Variants in KANK4 observed in about 807,000 individuals in gnomAD.
KANK4 encodes KN motif and ankyrin repeat domain-containing protein 4.
A neutral mutation model predicts 80.8 loss-of-function variants in KANK4; 50 were observed. The ratio of observed to expected loss-of-function variants is 0.62; its 90% CI spans 0.49 to 0.78. The LOEUF (loss-of-function observed/expected upper bound fraction) is 0.78, where lower values mean the gene tolerates loss of function less well. Ranked by LOEUF, KANK4 falls within the 30% of genes least tolerant of loss-of-function variation. The probability of loss-of-function intolerance (pLI) is 0.00; values close to 1 mark genes in which losing one functional copy is unlikely to be tolerated. For missense variants in KANK4, 1,196 were observed against 1,240.1 expected, an observed-to-expected ratio of 0.96 and a Z score of 0.53; for synonymous variants, 465 against 506.9, an observed-to-expected ratio of 0.92 and a Z score of 1.11.
In KANK4 at chr1:62,274,650, A is replaced by G. The variant is rs1672263451; in HGVS notation, c.454T>C (p.Phe152Leu). 6.2e-7 allele frequency: 1 copy of G among 1,614,012 alleles called. No homozygotes were observed. Among genetic ancestry groups the G allele is most frequent in the Admixed American group, 1.7e-5 (1 of 60,008 alleles). Residue 152 changes from phenylalanine to leucine, a missense_variant, in exon 3 of 10, where the codon TTT (phenylalanine) becomes CTT (leucine). Around this residue, in one of 3 missense-constraint regions of KANK4, gnomAD observed 1,154 missense variants for 1,179.6 expected, o/e 0.98. Transcript: ENST00000371153. ...AAEPEDAELT[F>L]GSGRPQLLRA... ...AAGAGCTGGGGCCGTCCACTCCCAA[A>G]AGTGAGCTCGGCATCCTCTGGCTCA...
At chr1:62,307,021 C>A (rs908805091) in intron 1 of KANK4, among the ~76,000 whole-genome samples, 1 of 152,048 alleles carries the variant, frequency 6.6e-6, no homozygotes, top group Middle Eastern at 3.2e-3. Flanking sequence ...TGGTGTCATC[C>A]CCAGTAAAGA....
At chr1:62,268,221 G>T in intron 5 of KANK4, 66 bp downstream of exon 5, 1 of 1,228,008 alleles carries the variant, frequency 8.1e-7, no homozygotes, top group South Asian at 1.2e-5. Flanking sequence ...TCGCATGAAC[G>T]GGTAGATATA....
chr1:62,258,077 C>T (rs536517224), intron 7 of KANK4, among the ~76,000 whole-genome samples: 36 of 152,322 alleles, frequency 2.4e-4, no homozygotes, highest in Admixed American at 1.7e-3. Flanking sequence ...GATTAAGAGA[C>T]TGATCGATCT....
chr1:62,271,786 T>C lies in KANK4; in HGVS notation c.1901-197A>G. The stretch of plus-strand genomic sequence containing the variant: ...GCTTTCTGCTCAATGTTGGGAGAAC[T>C]GTCTCTGTTAACAATGCCCCTCTAA... On this transcript the variant is annotated intron_variant, in intron 3 of 9. Coordinates refer to ENST00000371153, the MANE Select transcript of KANK4 (RefSeq NM_181712.5). 3 of 531,140 alleles carry C rather than the reference T, an allele frequency of 5.6e-6. No homozygotes were observed. The East Asian group carries it at 9.8e-5, about 17-fold the overall frequency. 32.9% of individuals were successfully genotyped at this position (531,140 alleles called of 1,614,324 possible). A position where few individuals can be genotyped will look rare whatever the true frequency, so the allele number is the denominator to read the frequency against.
chr1:62,277,088 G>C (rs1191532117), intron 2 of KANK4, among the ~76,000 whole-genome samples: 1 of 152,202 alleles, frequency 6.6e-6, no homozygotes, highest in Non-Finnish European at 1.5e-5. Flanking sequence ...ACACCAAGAT[G>C]AATCAGGTTC....
At chr1:62,250,838 G>A (rs1050643944) in intron 8 of KANK4, among the ~76,000 whole-genome samples, 3 of 152,184 alleles carry the variant, frequency 2.0e-5, no homozygotes, top group African/African-American at 7.2e-5. Context: ...ATAAACATCG[G>A]CTTCTGGCCG....
intron 1 of KANK4, among the ~76,000 whole-genome samples, chr1:62,296,739 C>T (rs1368221742): frequency 6.6e-6 from 1 of 151,844 alleles, no homozygotes; most frequent in Admixed American, 6.6e-5. Flanking sequence ...AGTGTTTTGG[C>T]ATGTTGTCCA....
intron 3 of KANK4, 31 bp downstream of exon 3, chr1:62,273,173 T>C (rs149393419): frequency 2.4e-4 from 336 of 1,403,084 alleles, no homozygotes; most frequent in Admixed American, 9.7e-4. Context: ...AATGGCTCCC[T>C]GTCTCAGGCC....
At chr1:62,267,634 T>C (rs995404106) in intron 5 of KANK4, among the ~76,000 whole-genome samples, 1 of 152,002 alleles carries the variant, frequency 6.6e-6, no homozygotes, top group Non-Finnish European at 1.5e-5. Context: ...ACCTCGTCTC[T>C]ACTAAAAAAT....
intron 1 of KANK4, among the ~76,000 whole-genome samples, chr1:62,288,979 T>C (rs964109190): frequency 3.3e-5 from 5 of 152,168 alleles, no homozygotes; most frequent in African/African-American, 1.2e-4. Context: ...TGACATGCCA[T>C]ACCCTACAAT....
intron 1 of KANK4, among the ~76,000 whole-genome samples, chr1:62,292,349 G>A (rs2149161102): frequency 6.6e-6 from 1 of 152,216 alleles, no homozygotes; most frequent in Middle Eastern, 3.4e-3. Flanking sequence ...ACACGCAGGA[G>A]GTATGGCAAG....
chr1:62,302,211 G>A (rs17123405), intron 1 of KANK4, among the ~76,000 whole-genome samples: 9,415 of 152,000 alleles, frequency 0.062, 955 homozygotes, highest in African/African-American at 0.21. Flanking sequence ...CAATTCAGGA[G>A]AGAAAGGGAC....
intron 7 of KANK4, among the ~76,000 whole-genome samples, chr1:62,262,546 A>G (rs1157385494): frequency 6.6e-6 from 1 of 152,194 alleles, no homozygotes; most frequent in African/African-American, 2.4e-5. Context: ...CTGTCAACCA[A>G]TGAGTGGATA....
At chr1:62,266,421 T>A (rs1178332748) in intron 6 of KANK4, among the ~76,000 whole-genome samples, 1 of 148,132 alleles carries the variant, frequency 6.8e-6, no homozygotes, top group Non-Finnish European at 1.5e-5. Flanking sequence ...CACCGTACGC[T>A]CACACCAATG....
chr1:62,276,633 C>T (rs1185115612), intron 2 of KANK4, among the ~76,000 whole-genome samples: 1 of 151,956 alleles, frequency 6.6e-6, no homozygotes, highest in South Asian at 2.1e-4. Context: ...AAAAGTTAGC[C>T]GGGCATGGTG....
At chr1:62,275,162 T>A in intron 2 of KANK4, 75 bp from the exon 3 acceptor site, 1 of 1,140,046 alleles carries the variant, frequency 8.8e-7, no homozygotes, top group Non-Finnish European at 1.2e-6. Flanking sequence ...AGGCCTAATA[T>A]CTCTGATTTT....
At chr1:62,288,686 T>C (rs1472523599) in intron 1 of KANK4, among the ~76,000 whole-genome samples, 1 of 128,750 alleles carries the variant, frequency 7.8e-6, no homozygotes, top group Admixed American at 8.0e-5. Context: ...GGGCCAGTTG[T>C]AGGGAGAGAG....
At chr1:62,287,998 C>G (rs1044229321) in intron 1 of KANK4, among the ~76,000 whole-genome samples, 1 of 152,156 alleles carries the variant, frequency 6.6e-6, no homozygotes, top group Non-Finnish European at 1.5e-5. Context: ...ATTGACTATC[C>G]TTTCTAAACT....
chr1:62,242,801 T>A (rs970949068), intron 9 of KANK4, among the ~76,000 whole-genome samples: 4 of 152,162 alleles, frequency 2.6e-5, no homozygotes, highest in South Asian at 2.1e-4. Flanking sequence ...GAAAGATGAA[T>A]ACGGAAATGA....
Sources: gnomAD v4.1 joint callset for allele counts (sites outside exome capture counted in the v4.1 genomes callset) on GRCh38, gnomAD v4.1.1 for gene constraint, gnomAD v4.1.1 regional missense constraint, MANE v1.5 for transcripts, NCBI Gene and HGNC (gene_info 2026-07-23, HGNC 2026-07-21) for gene names.